The following UBE2E2 variants were observed in gnomAD, a reference collection of about 807,000 sequenced individuals.
UBE2E2 encodes the protein ubiquitin conjugating enzyme E2 E2, also known as ubiquitin-conjugating enzyme E2 E2.
Under a neutral mutation model 24.7 loss-of-function variants are expected in UBE2E2, and 6 were observed. The ratio of observed to expected loss-of-function variants is 0.24; its 90% confidence interval spans 0.13 to 0.48. UBE2E2 has a LOEUF of 0.48. UBE2E2 is among the 20% of genes least tolerant of loss of function. UBE2E2 has a pLI of 0.99. For missense variants in UBE2E2, 169 were observed against 245.0 expected, an observed-to-expected ratio of 0.69 and a Z score of 2.07; for synonymous variants, 104 against 83.6, an observed-to-expected ratio of 1.24 and a Z score of -1.33.
intron 5 of UBE2E2, among the ~76,000 whole-genome samples, chr3:23,535,033 A>T (rs17013425): frequency 0.22 from 33,853 of 152,142 alleles, 3,872 homozygotes; most frequent in African/African-American, 0.27. Flanking sequence ...CCATTCCAAC[A>T]CAGATGTTCT....
At chr3:23,319,686 G>T in intron 3 of UBE2E2, among the ~76,000 whole-genome samples, 1 of 137,456 alleles carries the variant, frequency 7.3e-6, no homozygotes, top group African/African-American at 2.6e-5. Context: ...GTGGTGGCAG[G>T]GGCCTATAGT....
intron 4 of UBE2E2, among the ~76,000 whole-genome samples, chr3:23,525,436 A>G (rs1327365705): frequency 2.0e-5 from 3 of 152,214 alleles, no homozygotes; most frequent in Admixed American, 6.5e-5. Flanking sequence ...GGAATTAGCC[A>G]TTCTAAATAA....
intron 3 of UBE2E2, among the ~76,000 whole-genome samples, chr3:23,497,346 T>C (rs1699623618): frequency 6.6e-6 from 1 of 152,206 alleles, no homozygotes; most frequent in African/African-American, 2.4e-5. Context: ...TTTATGGCAA[T>C]ACGCAATTTG....
intron 3 of UBE2E2, among the ~76,000 whole-genome samples, chr3:23,477,117 T>C (rs1334929726): frequency 6.6e-6 from 1 of 151,110 alleles, no homozygotes; most frequent in Non-Finnish European, 1.5e-5. Flanking sequence ...AATAAATTGT[T>C]AGCCTAAAAT....
intron 3 of UBE2E2, among the ~76,000 whole-genome samples, chr3:23,411,108 A>T (rs961428324): frequency 7.2e-5 from 11 of 152,174 alleles, no homozygotes; most frequent in African/African-American, 2.7e-4. Flanking sequence ...GAACAAAAAC[A>T]TTAGGAAAGG....
rs989236006 is a variant in UBE2E2 at position 23,583,633 on chromosome 3, T to A, written c.509-6101T>A. On this transcript the variant is annotated intron_variant, in intron 5 of 5. Transcript: ENST00000396703. This position sits in a 1 kb window ranked among gnomAD's most constrained non-coding sequence, Gnocchi z 4.1. ...TGATTTGTAATTCTCATTGTAAAGA[T>A]CTTTCACCTCCCTGGTTAGCTGTAT... 2.0e-5 allele frequency among the ~76,000 whole-genome samples: 3 copies of A among 152,246 alleles called. No homozygotes were observed. In the South Asian group the frequency reaches 6.2e-4, roughly 31 times the overall value.
In UBE2E2 at chr3:23,380,662, G is replaced by A. The variant is rs548816622; in HGVS notation, c.228-118946G>A. ...TTCTATAGTCCTGTTTTTACCTTTCGTGTTCTGTGCCCAGCTCTGTTGGAA... is the reference window on the plus strand; with the variant it reads ...TTCTATAGTCCTGTTTTTACCTTTCATGTTCTGTGCCCAGCTCTGTTGGAA... On this transcript the variant is annotated intron_variant, in intron 3 of 5. Transcript: ENST00000396703. Among the ~76,000 whole-genome samples the A allele has an allele frequency of 9.0e-4, 137 of 152,088 alleles. 2 individuals carry two copies. The highest frequency in any genetic ancestry group is 3.0e-3 in the African/African-American group (124 of 41,502).
intron 3 of UBE2E2, among the ~76,000 whole-genome samples, chr3:23,480,685 A>G (rs537005371): frequency 6.6e-6 from 1 of 152,202 alleles, no homozygotes; most frequent in East Asian, 1.9e-4. Flanking sequence ...ATAAAGGTGG[A>G]AAATAAAAGC....
At position 23,550,518 on chromosome 3, in the gene UBE2E2, A is replaced by G. The variant is rs564320169; in HGVS notation, c.508+17817A>G. ...AGAGGTCAAAGACTATGTTGTCCAGAGAGTTTTGTTATCGCAAACTCCTGG... is the reference window on the plus strand; with the variant it reads ...AGAGGTCAAAGACTATGTTGTCCAGGGAGTTTTGTTATCGCAAACTCCTGG... On this transcript the variant is annotated intron_variant, in intron 5 of 5. Coordinates refer to ENST00000396703, the MANE Select transcript of UBE2E2 (RefSeq NM_152653.4). Among the ~76,000 whole-genome samples, 7 of 152,284 alleles carry G rather than the reference A, an allele frequency of 4.6e-5. No homozygotes were observed. In the East Asian group the frequency reaches 1.4e-3, roughly 29 times the overall value.
At chr3:23,258,708 A>G (rs982601357) in intron 3 of UBE2E2, among the ~76,000 whole-genome samples, 1 of 152,028 alleles carries the variant, frequency 6.6e-6, no homozygotes, top group Non-Finnish European at 1.5e-5. Context: ...CCTGGCTAAC[A>G]TGGTAAAACC....
intron 3 of UBE2E2, among the ~76,000 whole-genome samples, chr3:23,310,931 A>G (rs933079746): frequency 6.6e-6 from 1 of 152,086 alleles, no homozygotes; most frequent in African/African-American, 2.4e-5. Context: ...ATATGTATAC[A>G]TGTGCCATGT....
chr3:23,351,047 ACT>A (rs1462799531), intron 3 of UBE2E2, among the ~76,000 whole-genome samples: 1 of 152,224 alleles, frequency 6.6e-6, no homozygotes, highest in Non-Finnish European at 1.5e-5. Context: ...CTCGGCAGAA[ACT>A]CTACAAGCCA....
chr3:23,349,412 A>T (rs1245876460), intron 3 of UBE2E2, among the ~76,000 whole-genome samples: 1 of 152,186 alleles, frequency 6.6e-6, no homozygotes, highest in Non-Finnish European at 1.5e-5. Flanking sequence ...ACTGTGCGCG[A>T]CCCGAAGCAG....
At chr3:23,219,278 T>G (rs1289004929) in intron 3 of UBE2E2, among the ~76,000 whole-genome samples, 1 of 152,160 alleles carries the variant, frequency 6.6e-6, no homozygotes, top group Admixed American at 6.6e-5. Flanking sequence ...GTGCTGTAGC[T>G]GATAGAAAAT....
chr3:23,269,200 A>T (rs527666317), intron 3 of UBE2E2, among the ~76,000 whole-genome samples: 3 of 150,304 alleles, frequency 2.0e-5, no homozygotes, highest in East Asian at 3.9e-4. Context: ...AAACTGAAAA[A>T]TGGGATCTAA....
chr3:23,251,664 A>G (rs947073090), intron 3 of UBE2E2, among the ~76,000 whole-genome samples: 6 of 152,232 alleles, frequency 3.9e-5, no homozygotes, highest in Non-Finnish European at 8.8e-5. Context: ...ACTTCTGTTT[A>G]GAATTAACAT....
rs1696525847 is a variant in UBE2E2, at chr3:23,583,082, A to G, written c.509-6652A>G. 6.6e-6 allele frequency among the ~76,000 whole-genome samples: 1 copy of G among 152,112 alleles called. No individual in the cohort carries two copies. Among genetic ancestry groups the G allele is most frequent in the Admixed American group, 6.5e-5 (1 of 15,270 alleles). ...TTTAGGTTTTACATTTAAGTCTTTA[A>G]TCCATCTTGAGTTGATTTTTGGATG... On this transcript the variant is annotated intron_variant, in intron 5 of 5. Coordinates refer to ENST00000396703, the MANE Select transcript of UBE2E2 (RefSeq NM_152653.4). This position sits in a 1 kb window ranked among gnomAD's most constrained non-coding sequence, Gnocchi z 4.1.
At chr3:23,279,946 C>T (rs1698451668) in intron 3 of UBE2E2, among the ~76,000 whole-genome samples, 1 of 152,202 alleles carries the variant, frequency 6.6e-6, no homozygotes, top group Admixed American at 6.5e-5. Context: ...TGTCTGTCAT[C>T]TAGGGGTACA....
intron 5 of UBE2E2, among the ~76,000 whole-genome samples, chr3:23,541,530 T>A (rs911934592): frequency 1.3e-5 from 2 of 152,248 alleles, no homozygotes; most frequent in South Asian, 4.1e-4. Flanking sequence ...CCTAAATTAC[T>A]AGCATATTTC....
Sources: allele counts gnomAD v4.1 joint callset (sites outside exome capture counted in the v4.1 genomes callset), GRCh38; gene constraint gnomAD v4.1.1; non-coding constraint Gnocchi (gnomAD v3.1); transcripts MANE v1.5; gene names NCBI Gene and HGNC (gene_info 2026-07-23, HGNC 2026-07-21).